Variants in ASAP2 observed in about 807,000 individuals in gnomAD.
The protein encoded by ASAP2 is ArfGAP with SH3 domain, ankyrin repeat and PH domain 2.
Under a neutral mutation model 131.4 loss-of-function variants are expected in ASAP2, and 45 were observed. That is an observed-to-expected ratio of 0.34 (90% CI 0.27 to 0.44). ASAP2 has a LOEUF of 0.44. Among genes scored for constraint, ASAP2 ranks in the 20% least tolerant of loss-of-function variants. The pLI, the probability that ASAP2 is intolerant of heterozygous loss-of-function variation, is 1.00. For missense variants in ASAP2, 1,011 were observed against 1,297.0 expected (o/e 0.78, Z 3.39); for synonymous variants, 510 against 503.0 (o/e 1.01, Z -0.19).
rs796921489 is a variant in ASAP2, at chr2:9,275,656, A to G, written c.127-3661A>G. Among the ~76,000 whole-genome samples, 36 of 152,224 alleles carry G rather than the reference A, an allele frequency of 2.4e-4. 1 individual carries two copies. Among genetic ancestry groups the G allele is most frequent in the African/African-American group, 7.0e-4 (29 of 41,532 alleles). On this transcript the variant is annotated intron_variant, in intron 1 of 27. Coordinates refer to ENST00000281419, the MANE Select transcript of ASAP2 (RefSeq NM_003887.3). ...CTCCCTGTGGCCTGAGTAACCTTCA[A>G]GCACAGCTCCCGTTTCCCCTCTGGG... is the stretch of plus-strand genomic sequence containing the variant.
chr2:9,322,747 G>A, intron 5 of ASAP2, among the ~76,000 whole-genome samples: 1 of 152,212 alleles, frequency 6.6e-6, no homozygotes, highest in East Asian at 1.9e-4. Context: ...ACAGAGACTA[G>A]GGAGGAAGTC....
chr2:9,245,678 A>G (rs941259380), intron 1 of ASAP2, among the ~76,000 whole-genome samples: 2 of 152,166 alleles, frequency 1.3e-5, no homozygotes, highest in African/African-American at 4.8e-5. Flanking sequence ...GCACACAGAA[A>G]TCTGGGCCTG....
At chr2:9,323,750 G>T (rs900728924) in intron 6 of ASAP2, among the ~76,000 whole-genome samples, 1 of 152,122 alleles carries the variant, frequency 6.6e-6, no homozygotes, top group Non-Finnish European at 1.5e-5. Flanking sequence ...CATCTAGCCC[G>T]AAGGCCCAGG....
chr2:9,317,191 A>G (rs914561057), intron 3 of ASAP2, among the ~76,000 whole-genome samples: 1 of 138,606 alleles, frequency 7.2e-6, no homozygotes, highest in Non-Finnish European at 1.6e-5. Context: ...CACACACCCC[A>G]CGCAATCACA....
intron 20 of ASAP2, among the ~76,000 whole-genome samples, chr2:9,382,674 T>A (rs985010404): frequency 1.3e-5 from 2 of 152,226 alleles, no homozygotes; most frequent in Non-Finnish European, 2.9e-5. Context: ...CAGCATCCTT[T>A]AGATCTCAAA....
chr2:9,338,479 C>T (rs1377296981), intron 9 of ASAP2, among the ~76,000 whole-genome samples: 1 of 152,146 alleles, frequency 6.6e-6, no homozygotes, highest in Non-Finnish European at 1.5e-5. Context: ...CCTCTGGGTT[C>T]GCGTATCTTA....
chr2:9,208,352 G>A (rs1159730544), intron 1 of ASAP2, among the ~76,000 whole-genome samples: 1 of 147,950 alleles, frequency 6.8e-6, no homozygotes, highest in Non-Finnish European at 1.5e-5. Context: ...TGTGTGGGTG[G>A]GGGGGTGGGT....
At chr2:9,301,847 G>A (rs1394796962) in intron 3 of ASAP2, among the ~76,000 whole-genome samples, 6 of 126,022 alleles carry the variant, frequency 4.8e-5, no homozygotes, top group South Asian at 2.4e-4. Context: ...TTTTTGAGAC[G>A]GAGTCTCGTT....
chr2:9,235,377 G>A (rs950910087), intron 1 of ASAP2, among the ~76,000 whole-genome samples: 11 of 152,158 alleles, frequency 7.2e-5, no homozygotes, highest in South Asian at 2.1e-4. Flanking sequence ...GCCCTGGTGG[G>A]TGGCACCCCA....
At chr2:9,336,860 G>A (rs1017599103) in intron 9 of ASAP2, among the ~76,000 whole-genome samples, 3 of 152,234 alleles carry the variant, frequency 2.0e-5, no homozygotes, top group Non-Finnish European at 4.4e-5. Flanking sequence ...GGAAATGATC[G>A]AGAACTGCCT....
intron 24 of ASAP2, among the ~76,000 whole-genome samples, chr2:9,395,999 A>G (rs1676118472): frequency 6.6e-6 from 1 of 152,072 alleles, no homozygotes; most frequent in African/African-American, 2.4e-5. Context: ...CGCACCTGGT[A>G]TCCCCCATCC....
chr2:9,224,711 G>A (rs1662647441), intron 1 of ASAP2, among the ~76,000 whole-genome samples: 1 of 152,194 alleles, frequency 6.6e-6, no homozygotes, highest in Non-Finnish European at 1.5e-5. Context: ...ACAAATTTCT[G>A]AATTCTTGAA....
chr2:9,401,957 T>A (rs993132811), intron 27 of ASAP2, among the ~76,000 whole-genome samples: 55 of 152,170 alleles, frequency 3.6e-4, no homozygotes, highest in African/African-American at 1.3e-3. Flanking sequence ...CTGGTGCAGG[T>A]GATCTTGTGA....
chr2:9,380,089 G>C lies in ASAP2; in HGVS notation c.1949-652G>C, dbSNP rs543908848. 1.1e-4 allele frequency among the ~76,000 whole-genome samples: 17 copies of C among 152,312 alleles called. No homozygotes were observed. In the East Asian group the frequency reaches 3.3e-3, roughly 29 times the overall value. ...TATATTGCAGTGCATGGAAATAGGT[G>C]AGCAGTGCTTTTCGTTAGAGGTTTA... On this transcript the variant is annotated intron_variant, in intron 19 of 27. Transcript: ENST00000281419.
intron 1 of ASAP2, among the ~76,000 whole-genome samples, chr2:9,266,674 C>T (rs2148230775): frequency 6.6e-6 from 1 of 152,312 alleles, no homozygotes; most frequent in Non-Finnish European, 1.5e-5. Flanking sequence ...AGGAAGCCAT[C>T]TAGGAGAAAA....
At chr2:9,362,907 C>A (rs988286809) in intron 15 of ASAP2, among the ~76,000 whole-genome samples, 1 of 152,166 alleles carries the variant, frequency 6.6e-6, no homozygotes, top group African/African-American at 2.4e-5. Context: ...TACACTAGAT[C>A]CCTAGACTTT....
intron 9 of ASAP2, among the ~76,000 whole-genome samples, chr2:9,341,542 C>G (rs904364753): frequency 6.6e-6 from 1 of 152,148 alleles, no homozygotes; most frequent in Non-Finnish European, 1.5e-5. Flanking sequence ...TTAATATGCG[C>G]GGCACGAACA....
chr2:9,247,683 C>T (rs890202022), intron 1 of ASAP2, among the ~76,000 whole-genome samples: 2 of 152,276 alleles, frequency 1.3e-5, no homozygotes, highest in East Asian at 3.9e-4. Context: ...AGTGAAACAG[C>T]GTTTAGAAAG....
At chr2:9,347,983 T>A (rs77869394) in intron 11 of ASAP2, among the ~76,000 whole-genome samples, 3 of 152,054 alleles carry the variant, frequency 2.0e-5, no homozygotes, top group African/African-American at 7.2e-5. Flanking sequence ...CTGTTGCATC[T>A]TTTTTTTACC....
Sources: allele counts gnomAD v4.1 joint callset (sites outside exome capture counted in the v4.1 genomes callset), GRCh38; gene constraint gnomAD v4.1.1; transcripts MANE v1.5; gene names NCBI Gene and HGNC (gene_info 2026-07-23, HGNC 2026-07-21).